IARS2: variants seen among roughly 807,000 people sequenced by gnomAD.
IARS2 encodes isoleucyl-tRNA synthetase 2, mitochondrial.
A neutral mutation model predicts 126.3 loss-of-function variants in IARS2; 56 were observed. That is an observed-to-expected ratio of 0.44 (90% CI 0.36 to 0.55). The LOEUF is 0.55. Ranked by LOEUF, IARS2 falls within the 20% of genes least tolerant of loss-of-function variation. The pLI is 0.00. For missense variants in IARS2, 1,127 were observed against 1,245.9 expected (o/e 0.90, Z 1.44); for synonymous variants, 407 against 441.1 (o/e 0.92, Z 0.97).
intron 12 of IARS2, among the ~76,000 whole-genome samples, chr1:220,120,232 C>T (rs1314453003): frequency 6.6e-6 from 1 of 151,894 alleles, no homozygotes; most frequent in African/African-American, 2.4e-5. Flanking sequence ...CAGGCTTGCG[C>T]CACTATGCCT....
At chr1:220,144,877 G>C (rs1388388826) in intron 21 of IARS2, among the ~76,000 whole-genome samples, 1 of 152,040 alleles carries the variant, frequency 6.6e-6, no homozygotes, top group African/African-American at 2.4e-5. Flanking sequence ...TTTCTCATGG[G>C]CTTTAATTTT....
intron 14 of IARS2, 70 bp from the exon 15 acceptor site, chr1:220,134,332 G>A: frequency 9.5e-7 from 1 of 1,050,420 alleles, no homozygotes; most frequent in Non-Finnish European, 1.4e-6. Flanking sequence ...TTATTAATAA[G>A]TATCTTCTTT....
chr1:220,136,462 G>A (rs536296784), intron 15 of IARS2, among the ~76,000 whole-genome samples: 6 of 151,888 alleles, frequency 4.0e-5, no homozygotes, highest in African/African-American at 7.3e-5. Flanking sequence ...GGTTTCGGCC[G>A]GGCAGGGTGG....
chr1:220,105,642 A>T (rs996501724), intron 8 of IARS2, among the ~76,000 whole-genome samples: 3 of 152,190 alleles, frequency 2.0e-5, no homozygotes, highest in Non-Finnish European at 4.4e-5. Context: ...AGATGCAGTA[A>T]GTATCAAAAC....
chr1:220,139,159 C>A lies in IARS2; in HGVS notation c.2307+20C>A, dbSNP rs2102840190. 1.3e-6 allele frequency: 2 copies of A among 1,589,978 alleles called. No homozygotes were observed. The highest frequency in any genetic ancestry group is 1.1e-5 in the South Asian group (1 of 87,082). ...AACAAGGTAAATGTAAATTAATAAACTTTTGGAAACTAGAAATATCAGCAC... is the reference window on the plus strand; with the variant it reads ...AACAAGGTAAATGTAAATTAATAAAATTTTGGAAACTAGAAATATCAGCAC... On this transcript the variant is annotated intron_variant, in intron 18 of 22. Coordinates refer to ENST00000366922, the MANE Select transcript of IARS2 (RefSeq NM_018060.4).
At chr1:220,146,816 C>T (rs936752048) in intron 22 of IARS2, among the ~76,000 whole-genome samples, 4 of 152,042 alleles carry the variant, frequency 2.6e-5, no homozygotes, top group South Asian at 2.1e-4. Context: ...GGATTACAGG[C>T]GCCTGCCACC....
chr1:220,098,183 G>A (rs1163698400), intron 2 of IARS2, among the ~76,000 whole-genome samples: 2 of 152,176 alleles, frequency 1.3e-5, no homozygotes, highest in East Asian at 3.9e-4. Context: ...CACTGCACCC[G>A]GCCAAAACAG....
chr1:220,136,634 C>CAAAAAAAAAAAAAAAAAAAAA (rs775927970), intron 15 of IARS2, among the ~76,000 whole-genome samples, 175 bp from the exon 16 acceptor site: 1 of 63,120 alleles, frequency 1.6e-5, no homozygotes. Flanking sequence ...GACTCCATCT[C>CAAAAAAAAAAAAAAAAAAAAA]AAAAAAAAAA....
chr1:220,129,190 A>G (rs1657212371), intron 14 of IARS2, among the ~76,000 whole-genome samples: 1 of 152,174 alleles, frequency 6.6e-6, no homozygotes, highest in South Asian at 2.1e-4. Context: ...CCAGAGTGTG[A>G]TATTCTTAAC....
chr1:220,118,280 C>T, intron 12 of IARS2: 1 of 423,328 alleles, frequency 2.4e-6, no homozygotes, highest in Non-Finnish European at 4.8e-6. Context: ...ATCATGGGAG[C>T]TGTACGATAT....
In IARS2 at chr1:220,102,216, A is replaced by G. The variant is rs149353254; in HGVS notation, c.638A>G (p.Tyr213Cys). ...ATGGCAGATTGGAATAATTGCTACT[A>G]TACATTTGATGGGAAGTATGAAGCC... ...GIMADWNNCY[Y>C]TFDGKYEAKQ... The change falls in exon 4 of 23, where the codon TAT becomes TGT. Residue 213 changes from tyrosine to cysteine, a missense_variant. Tyr to Cys is a radical substitution (Grantham distance 194). Coordinates refer to ENST00000366922, the MANE Select transcript of IARS2 (RefSeq NM_018060.4). 54 of 1,612,042 alleles carry G rather than the reference A, an allele frequency of 3.3e-5. 1 individual carries two copies. Among genetic ancestry groups the G allele is most frequent in the Non-Finnish European group, 4.5e-5 (53 of 1,179,444 alleles).
At chr1:220,118,265 TG>T (rs1656968921) in intron 12 of IARS2, 1 of 448,382 alleles carries the variant, frequency 2.2e-6, no homozygotes, top group Non-Finnish European at 4.5e-6. Context: ...AGATTCCTTT[TG>T]CTCATCATGG....
Position 220,100,617 on chromosome 1 carries a change from A to G in IARS2, c.518A>G (p.Gln173Arg), listed in dbSNP as rs760330455. The G allele has an allele frequency of 5.6e-6, 9 of 1,610,344 alleles. No individual in the cohort carries two copies. The highest frequency in any genetic ancestry group is 7.6e-6 in the Non-Finnish European group (9 of 1,177,802). ...KVLSELGREAQNLSAMEIRKK... is the reference protein window; with the variant it reads ...KVLSELGREARNLSAMEIRKK... ...TTATCAGAACTTGGTAGAGAAGCTC[A>G]GAATCTTTCAGCTATGGAAATTAGA... Residue 173 changes from glutamine to arginine, a missense_variant, in exon 3 of 23, where the codon CAG becomes CGG. Gln to Arg is a conservative substitution (Grantham distance 43). Transcript: ENST00000366922.
intron 12 of IARS2, 144 bp downstream of exon 12, chr1:220,114,618 A>G (rs564014340): frequency 1.6e-6 from 1 of 607,348 alleles, no homozygotes; most frequent in South Asian, 2.3e-5. Flanking sequence ...CTAAAATATA[A>G]GTTCAAAACA....
At chr1:220,117,428 G>A (rs945410268) in intron 12 of IARS2, among the ~76,000 whole-genome samples, 1 of 151,542 alleles carries the variant, frequency 6.6e-6, no homozygotes, top group Non-Finnish European at 1.5e-5. Flanking sequence ...TCAAACTCCC[G>A]ACCTCAAGTG....
In IARS2 at chr1:220,096,241, G is replaced by T; in HGVS notation, c.390+15G>T. The T allele has an allele frequency of 6.6e-7, 1 of 1,514,088 alleles. No individual in the cohort carries two copies. The highest frequency in any genetic ancestry group is 1.3e-5 in the South Asian group (1 of 75,158). 93.8% of individuals were successfully genotyped at this position (1,514,088 alleles called of 1,614,324 possible). A position where few individuals can be genotyped will look rare whatever the true frequency, so the allele number is the denominator to read the frequency against. ...CTTTAAATAAGGTAACTATAATTTA[G>T]GTTATGACACTTGAAAGAAAGTGTT... is the stretch of plus-strand genomic sequence containing the variant. On this transcript the variant is annotated intron_variant, in intron 2 of 22. Coordinates refer to ENST00000366922, the MANE Select transcript of IARS2 (RefSeq NM_018060.4).
intron 11 of IARS2, among the ~76,000 whole-genome samples, chr1:220,111,192 C>G (rs1311911931): frequency 6.6e-6 from 1 of 152,112 alleles, no homozygotes; most frequent in Non-Finnish European, 1.5e-5. Context: ...GACTTTCTTG[C>G]CCAGTGTAGT....
chr1:220,138,526 ACCAG>A, intron 17 of IARS2, among the ~76,000 whole-genome samples: 1 of 152,022 alleles, frequency 6.6e-6, no homozygotes, highest in Middle Eastern at 3.5e-3. Context: ...TGGTAGTAAT[ACCAG>A]TAATTTTATA....
intron 22 of IARS2, among the ~76,000 whole-genome samples, chr1:220,146,360 CA>C (rs1041686407): frequency 1.3e-5 from 2 of 151,266 alleles, no homozygotes; most frequent in East Asian, 3.9e-4. Flanking sequence ...ACTAAAAATA[CA>C]AAAAAAATTA....
Sources: allele counts gnomAD v4.1 joint callset (sites outside exome capture counted in the v4.1 genomes callset), GRCh38; gene constraint gnomAD v4.1.1; transcripts MANE v1.5; gene names NCBI Gene and HGNC (gene_info 2026-07-23, HGNC 2026-07-21).